Variants in GLDN observed in about 807,000 individuals in gnomAD.
GLDN encodes collomin.
GLDN carries 47 observed loss-of-function variants against 56.5 expected under a neutral mutation model. The ratio of observed to expected loss-of-function variants is 0.83; its 90% CI spans 0.66 to 1.06. The LOEUF is 1.06. Ranked by LOEUF, GLDN falls within the 50% of genes least tolerant of loss-of-function variation. The pLI is 0.00. For synonymous variants in GLDN, 332 were observed against 278.8 expected, an observed-to-expected ratio of 1.19 and a Z score of -1.90; for missense variants, 782 against 714.3, an observed-to-expected ratio of 1.09 and a Z score of -1.08.
At chr15:51,395,517 T>A (rs958806729) in intron 5 of GLDN, among the ~76,000 whole-genome samples, 1 of 152,158 alleles carries the variant, frequency 6.6e-6, no homozygotes, top group Non-Finnish European at 1.5e-5. Context: ...GGGGCTTTAC[T>A]GGGGGCTTCA....
chr15:51,346,561 A>G (rs2036981991), intron 1 of GLDN, among the ~76,000 whole-genome samples: 1 of 152,262 alleles, frequency 6.6e-6, no homozygotes, highest in East Asian at 1.9e-4. Flanking sequence ...TTACATTTTT[A>G]AAATATGAAA....
intron 4 of GLDN, among the ~76,000 whole-genome samples, chr15:51,392,760 A>G (rs1051736805): frequency 1.4e-5 from 2 of 141,328 alleles, no homozygotes; most frequent in African/African-American, 5.8e-5. Context: ...AGCTTTGTAC[A>G]GTATTAGAAA....
Position 51,397,454 on chromosome 15 carries a change from CT to C in GLDN, c.689-15del. 7.4e-7 allele frequency: 1 copy of C among 1,350,628 alleles called. No individual in the cohort carries two copies. Among genetic ancestry groups the C allele is most frequent in the Non-Finnish European group, 9.7e-7 (1 of 1,025,810 alleles). 83.7% of individuals were successfully genotyped at this position (1,350,628 alleles called of 1,614,324 possible). A position where few individuals can be genotyped will look rare whatever the true frequency, so the allele number is the denominator to read the frequency against. The stretch of plus-strand genomic sequence containing the variant: ...CTCTTGCCTCCTTCTCTCCCTTTCT[CT>C]CTCTCTCTCTCCAGGTGCCAAAGGT... On this transcript the variant is annotated splice_polypyrimidine_tract_variant and intron_variant, in intron 5 of 9. Coordinates refer to ENST00000335449, the MANE Select transcript of GLDN (RefSeq NM_181789.4).
At chr15:51,401,087 G>A (rs995054158) in intron 8 of GLDN, among the ~76,000 whole-genome samples, 1 of 152,238 alleles carries the variant, frequency 6.6e-6, no homozygotes, top group African/African-American at 2.4e-5. Flanking sequence ...AGAAATAGCT[G>A]AGAAGAAATC....
chr15:51,412,106 G>A (rs533174306), downstream of GLDN, among the ~76,000 whole-genome samples: 10 of 152,262 alleles, frequency 6.6e-5, no homozygotes, highest in South Asian at 2.1e-4. Flanking sequence ...GTGTTAACTC[G>A]TACAATTCTC....
intron 1 of GLDN, among the ~76,000 whole-genome samples, chr15:51,365,070 A>G (rs1170540409): frequency 3.3e-5 from 5 of 152,250 alleles, no homozygotes; most frequent in African/African-American, 7.2e-5. Context: ...TTGGAGAATC[A>G]GCAGCCTGGA....
chr15:51,367,694 G>A (rs1472163943), intron 1 of GLDN, among the ~76,000 whole-genome samples: 2 of 152,204 alleles, frequency 1.3e-5, no homozygotes, highest in African/African-American at 4.8e-5. Flanking sequence ...GGAAGATCTA[G>A]TGAATACTAT....
At chr15:51,402,135 T>C (rs2038267660) in intron 9 of GLDN, among the ~76,000 whole-genome samples, 1 of 152,208 alleles carries the variant, frequency 6.6e-6, no homozygotes, top group Admixed American at 6.5e-5. Flanking sequence ...GTGGGGAATT[T>C]CGTGTCACAG....
Position 51,390,220 on chromosome 15 carries a change from G to A in GLDN, c.542-4615G>A, listed in dbSNP as rs1193416645. 3.9e-5 allele frequency among the ~76,000 whole-genome samples: 6 copies of A among 152,214 alleles called. No individual in the cohort carries two copies. In the East Asian group the frequency reaches 1.2e-3, roughly 29 times the overall value. ...TTAAATGAGTTAATGTATATAAAGT[G>A]CTTAGAAGAGGGCTTGACACATTGT... is the stretch of plus-strand genomic sequence containing the variant. On this transcript the variant is annotated intron_variant, in intron 4 of 9. Coordinates refer to ENST00000335449, the MANE Select transcript of GLDN (RefSeq NM_181789.4).
intron 4 of GLDN, among the ~76,000 whole-genome samples, chr15:51,391,890 G>A (rs1361001486): frequency 1.3e-5 from 2 of 152,218 alleles, no homozygotes; most frequent in Non-Finnish European, 2.9e-5. Context: ...TGGTAGTGGT[G>A]AGGACCCTGG....
At chr15:51,403,620 G>A (rs535307849) in intron 9 of GLDN, among the ~76,000 whole-genome samples, 3 of 152,322 alleles carry the variant, frequency 2.0e-5, no homozygotes, top group African/African-American at 4.8e-5. Flanking sequence ...CCATGCCATA[G>A]TTTAATGTAT....
chr15:51,345,245 CA>C (rs1268175446), intron 1 of GLDN, among the ~76,000 whole-genome samples: 2 of 152,086 alleles, frequency 1.3e-5, no homozygotes, highest in African/African-American at 4.8e-5. Context: ...TTTACTTGTC[CA>C]AAATCTAGGG....
rs1268423035 is a variant in GLDN at position 51,405,888 on chromosome 15, CTGCAACAGCAGAGTCGAGTCAT to C, written c.*1142_*1163del. The C allele has an allele frequency of 6.6e-6, 1 of 152,180 alleles. No homozygotes were observed. The allele number at this position is 152,180 out of a possible 1,614,324, so 9.4% of individuals were successfully genotyped here. ...AGTACGGCCTGACATTGCTTTTGCT[CTGCAACAGCAGAGTCGAGTCAT>C]TGCAACAAAGAGCATATGGCCCCAC... On this transcript the variant is annotated 3_prime_UTR_variant, in exon 10 of 10. Coordinates refer to ENST00000335449, the MANE Select transcript of GLDN (RefSeq NM_181789.4).
At chr15:51,364,367 C>A (rs754514758) in intron 1 of GLDN, among the ~76,000 whole-genome samples, 1 of 152,090 alleles carries the variant, frequency 6.6e-6, no homozygotes, top group East Asian at 1.9e-4. Flanking sequence ...TAGTCCTATC[C>A]AAAATAAGCC....
chr15:51,412,614 T>C (rs1204318001), downstream of GLDN, among the ~76,000 whole-genome samples: 1 of 152,242 alleles, frequency 6.6e-6, no homozygotes, highest in African/African-American at 2.4e-5. Flanking sequence ...ATCTTTTTCC[T>C]TCCTACTATT....
intron 1 of GLDN, among the ~76,000 whole-genome samples, chr15:51,370,785 A>G (rs985078591): frequency 6.6e-6 from 1 of 152,188 alleles, no homozygotes. Flanking sequence ...TGAGGTCAGG[A>G]GTTCCAGACC....
At chr15:51,363,324 C>G (rs2037338463) in intron 1 of GLDN, among the ~76,000 whole-genome samples, 1 of 152,152 alleles carries the variant, frequency 6.6e-6, no homozygotes, top group South Asian at 2.1e-4. Flanking sequence ...CAACAAAATT[C>G]AATCAATCAA....
downstream of GLDN, among the ~76,000 whole-genome samples, chr15:51,411,026 G>T (rs944649666): frequency 6.6e-6 from 1 of 152,150 alleles, no homozygotes; most frequent in Non-Finnish European, 1.5e-5. Context: ...ATGGTATAGC[G>T]GTAGAAAGGA....
chr15:51,371,655 A>C (rs1043852136), intron 1 of GLDN, among the ~76,000 whole-genome samples: 2 of 152,346 alleles, frequency 1.3e-5, no homozygotes, highest in East Asian at 1.9e-4. Context: ...TTATTATAAC[A>C]GAATACCTGA....
Sources: allele counts gnomAD v4.1 joint callset (sites outside exome capture counted in the v4.1 genomes callset), GRCh38; gene constraint gnomAD v4.1.1; transcripts MANE v1.5; gene names NCBI Gene and HGNC (gene_info 2026-07-23, HGNC 2026-07-21).